CRTC1: variants seen among roughly 807,000 people sequenced by gnomAD.
The protein encoded by CRTC1 is CREB regulated transcription coactivator 1.
CRTC1 carries 18 observed loss-of-function variants against 66.1 expected under a neutral mutation model. That is an observed-to-expected ratio of 0.27 (90% CI 0.19 to 0.40). The LOEUF (loss-of-function observed/expected upper bound fraction) is 0.40, where lower values mean the gene tolerates loss of function less well. Among genes scored for constraint, CRTC1 ranks in the 10% least tolerant of loss-of-function variants. The pLI is 1.00. For missense variants in CRTC1, 669 were observed against 887.9 expected (o/e 0.75, Z 3.13); for synonymous variants, 416 against 398.8 (o/e 1.04, Z -0.51).
Position 18,777,442 on chromosome 19 carries a change from C to T in CRTC1, c.*60C>T, listed in dbSNP as rs771213697. 17 of 1,466,004 alleles carry T rather than the reference C, an allele frequency of 1.2e-5. No individual in the cohort carries two copies. The highest frequency in any genetic ancestry group is 8.4e-5 in the Admixed American group (5 of 59,566). The allele number at this position is 1,466,004 out of a possible 1,614,324, so 90.8% of individuals were successfully genotyped here. Reference sequence around the variant, plus strand: ...CGACGGCGCCTCCCCAGCCCGGGGACGGCCGTGCTCCGTCCCTCGCCAACG... The same window carrying T: ...CGACGGCGCCTCCCCAGCCCGGGGATGGCCGTGCTCCGTCCCTCGCCAACG... On this transcript the variant is annotated 3_prime_UTR_variant, in exon 14 of 14. Transcript: ENST00000321949. This position sits in a 1 kb window ranked among gnomAD's most constrained non-coding sequence, Gnocchi z 5.5.
At chr19:18,689,614 T>G (rs1390395403) in intron 1 of CRTC1, among the ~76,000 whole-genome samples, 2 of 122,002 alleles carry the variant, frequency 1.6e-5, no homozygotes, top group African/African-American at 7.4e-5. Flanking sequence ...ATTTTGACGT[T>G]TTTTAAGTAT....
chr19:18,766,522 T>C (rs1430636878), intron 9 of CRTC1, among the ~76,000 whole-genome samples: 7 of 151,970 alleles, frequency 4.6e-5, no homozygotes, highest in African/African-American at 1.5e-4. Flanking sequence ...TCTTGGTTCA[T>C]TGCAACTCTG....
Position 18,777,606 on chromosome 19 carries a change from G to A in CRTC1, c.*224G>A. 1.9e-6 allele frequency: 1 copy of A among 533,644 alleles called. No homozygotes were observed. Among genetic ancestry groups the A allele is most frequent in the Non-Finnish European group, 3.3e-6 (1 of 304,160 alleles). The allele number at this position is 533,644 out of a possible 1,614,324, so 33.1% of individuals were successfully genotyped here. ...CCACCCGCCCGCCCAGGGCTGGGCTGGGATCGGAGGCCGTGAGCCTCCCGC... is the reference window on the plus strand; with the variant it reads ...CCACCCGCCCGCCCAGGGCTGGGCTAGGATCGGAGGCCGTGAGCCTCCCGC... On this transcript the variant is annotated 3_prime_UTR_variant, in exon 14 of 14. Coordinates refer to ENST00000321949, the MANE Select transcript of CRTC1 (RefSeq NM_015321.3). The surrounding 1 kb of genome is among the most constrained non-coding windows in gnomAD (Gnocchi z 5.5).
At chr19:18,715,794 G>C (rs752612983) in intron 1 of CRTC1, among the ~76,000 whole-genome samples, 2 of 152,216 alleles carry the variant, frequency 1.3e-5, no homozygotes, top group African/African-American at 2.4e-5. Context: ...GAGTTGGCCT[G>C]TTTGGAGGTT....
At chr19:18,772,504 C>T (rs916604344) in intron 11 of CRTC1, among the ~76,000 whole-genome samples, 8 of 152,300 alleles carry the variant, frequency 5.3e-5, no homozygotes, top group Middle Eastern at 3.4e-3. Flanking sequence ...ATCCCTGTCC[C>T]CTGTAGAGGG....
chr19:18,763,833 G>T (rs1187424836), intron 8 of CRTC1, among the ~76,000 whole-genome samples: 1 of 152,218 alleles, frequency 6.6e-6, no homozygotes, highest in African/African-American at 2.4e-5. Flanking sequence ...TCTGACCTGG[G>T]CACTGAGCAT....
At chr19:18,761,253 C>T (rs1001460686) in intron 8 of CRTC1, among the ~76,000 whole-genome samples, 2 of 152,240 alleles carry the variant, frequency 1.3e-5, no homozygotes, top group Non-Finnish European at 2.9e-5. Context: ...GTTGCTGCTC[C>T]GTCCTTAGCT....
chr19:18,773,172 A>G (rs1244274315), intron 11 of CRTC1, among the ~76,000 whole-genome samples: 1 of 151,786 alleles, frequency 6.6e-6, no homozygotes, highest in East Asian at 1.9e-4. Context: ...GTATAGGGAC[A>G]TCAGTACGGG....
chr19:18,776,854 G>C (rs993042415), intron 13 of CRTC1, among the ~76,000 whole-genome samples: 13 of 152,192 alleles, frequency 8.5e-5, no homozygotes, highest in African/African-American at 3.1e-4. Context: ...GGGAGCCGGG[G>C]AGGTCCCTGC....
chr19:18,765,560 G>T, intron 9 of CRTC1, 32 bp downstream of exon 9: 1 of 1,585,488 alleles, frequency 6.3e-7, no homozygotes, highest in Non-Finnish European at 8.6e-7. Context: ...CAGGTGGGAG[G>T]GGGAAAGGGA....
chr19:18,726,309 C>T (rs1448792797), intron 1 of CRTC1, among the ~76,000 whole-genome samples: 1 of 152,246 alleles, frequency 6.6e-6, no homozygotes, highest in East Asian at 1.9e-4. Context: ...CCTCGCTTCA[C>T]CCCTCGGTCC....
chr19:18,718,657 T>C (rs1181842776), intron 1 of CRTC1, among the ~76,000 whole-genome samples: 2 of 152,202 alleles, frequency 1.3e-5, no homozygotes, highest in Admixed American at 1.3e-4. Flanking sequence ...TTCCTTTTCA[T>C]GGCTGAATCT....
chr19:18,724,418 T>C (rs77668391), intron 1 of CRTC1, among the ~76,000 whole-genome samples: 1,901 of 152,166 alleles, frequency 0.012, 23 homozygotes, highest in Non-Finnish European at 0.018. Context: ...GCAGCACCTA[T>C]TGGGACTGGG....
At chr19:18,701,559 C>G (rs963823520) in intron 1 of CRTC1, among the ~76,000 whole-genome samples, 1 of 152,190 alleles carries the variant, frequency 6.6e-6, no homozygotes, top group African/African-American at 2.4e-5. Context: ...TTTAGTTTCA[C>G]CTGAGGGAGT....
chr19:18,759,716 C>A, intron 7 of CRTC1, 125 bp downstream of exon 7: 1 of 1,094,720 alleles, frequency 9.1e-7, no homozygotes, highest in Non-Finnish European at 1.3e-6. Flanking sequence ...TGACCAGAGG[C>A]CAGTGACAGA....
At chr19:18,737,305 A>C (rs2054019430) in intron 1 of CRTC1, among the ~76,000 whole-genome samples, 1 of 151,996 alleles carries the variant, frequency 6.6e-6, no homozygotes, top group Non-Finnish European at 1.5e-5. Flanking sequence ...AGGCTGTATC[A>C]GGAGCGGGGG....
chr19:18,759,689 G>A (rs1044985486), intron 7 of CRTC1, 98 bp downstream of exon 7: 3 of 1,339,106 alleles, frequency 2.2e-6, no homozygotes, highest in Admixed American at 1.9e-5. Flanking sequence ...GCAAGTCCCT[G>A]CAAGAGGGAC....
intron 1 of CRTC1, among the ~76,000 whole-genome samples, chr19:18,712,915 G>A (rs1310754097): frequency 6.6e-6 from 1 of 151,620 alleles, no homozygotes; most frequent in Admixed American, 6.6e-5. Context: ...AGCCGAGATC[G>A]TGCCACTGCA....
intron 1 of CRTC1, among the ~76,000 whole-genome samples, chr19:18,720,506 C>T (rs936936991): frequency 4.0e-5 from 6 of 150,790 alleles, no homozygotes; most frequent in South Asian, 2.1e-4. Context: ...CCTGCCACCA[C>T]GCCCGGCTAA....
Sources: gnomAD v4.1 joint callset for allele counts (sites outside exome capture counted in the v4.1 genomes callset) on GRCh38, gnomAD v4.1.1 for gene constraint, Gnocchi (gnomAD v3.1) non-coding constraint, MANE v1.5 for transcripts, NCBI Gene and HGNC (gene_info 2026-07-23, HGNC 2026-07-21) for gene names.